Variants in GPC5 observed in about 807,000 individuals in gnomAD.
GPC5 encodes glypican-5.
A neutral mutation model predicts 53.9 loss-of-function variants in GPC5; 47 were observed. That is an observed-to-expected ratio of 0.87 (90% confidence interval 0.69 to 1.11). The LOEUF (loss-of-function observed/expected upper bound fraction) is 1.11, where lower values mean the gene tolerates loss of function less well. Among genes scored for constraint, GPC5 ranks in the 50% most tolerant of loss-of-function variants. The probability of loss-of-function intolerance (pLI) is 0.00; values close to 1 mark genes in which losing one functional copy is unlikely to be tolerated. For synonymous variants in GPC5, 286 were observed against 263.3 expected, an observed-to-expected ratio of 1.09 and a Z score of -0.84; for missense variants, 748 against 713.1, an observed-to-expected ratio of 1.05 and a Z score of -0.56.
At chr13:92,217,139 T>C (rs779011819) in intron 7 of GPC5, among the ~76,000 whole-genome samples, 1 of 152,188 alleles carries the variant, frequency 6.6e-6, no homozygotes, top group Non-Finnish European at 1.5e-5. Context: ...GTATGCTCAT[T>C]TGTTTTTCAG....
intron 7 of GPC5, among the ~76,000 whole-genome samples, chr13:92,722,828 AT>A (rs1213817806): frequency 2.0e-5 from 3 of 151,870 alleles, no homozygotes; most frequent in South Asian, 4.1e-4. Context: ...ATACAAAAAA[AT>A]GATAAAATCA....
At chr13:91,721,479 A>G (rs1053484802) in intron 3 of GPC5, among the ~76,000 whole-genome samples, 2 of 152,142 alleles carry the variant, frequency 1.3e-5, no homozygotes, top group African/African-American at 4.8e-5. Flanking sequence ...TCTCCAAATG[A>G]CAGCCAGTGT....
chr13:91,777,726 T>A (rs1400237449), intron 5 of GPC5, among the ~76,000 whole-genome samples: 1 of 71,580 alleles, frequency 1.4e-5, no homozygotes, highest in Non-Finnish European at 4.1e-5. Context: ...GAAAACTCAA[T>A]TTTTTTTTCA....
At chr13:91,681,564 T>C (rs142788694) in intron 2 of GPC5, among the ~76,000 whole-genome samples, 139 of 152,358 alleles carry the variant, frequency 9.1e-4, no homozygotes, top group Middle Eastern at 3.4e-3. Context: ...TTGTTCTAAC[T>C]AAATAGTAGT....
At chr13:92,317,396 G>A (rs1346782442) in intron 7 of GPC5, among the ~76,000 whole-genome samples, 2 of 152,142 alleles carry the variant, frequency 1.3e-5, no homozygotes, top group African/African-American at 4.8e-5. Flanking sequence ...GGAGTTTCAG[G>A]ATAATAGAAA....
chr13:91,727,080 G>T (rs756935889), intron 3 of GPC5, among the ~76,000 whole-genome samples: 7 of 152,208 alleles, frequency 4.6e-5, no homozygotes, highest in Non-Finnish European at 8.8e-5. Flanking sequence ...GTAATGGGTT[G>T]CTCTTGTCAT....
chr13:92,586,317 A>G (rs1258231839), intron 7 of GPC5, among the ~76,000 whole-genome samples: 1 of 152,246 alleles, frequency 6.6e-6, no homozygotes, highest in East Asian at 1.9e-4. Context: ...ATGTGCAGAT[A>G]TCCAGAGAAA....
intron 7 of GPC5, among the ~76,000 whole-genome samples, chr13:92,779,050 T>A (rs1051479858): frequency 6.6e-6 from 1 of 152,060 alleles, no homozygotes; most frequent in Non-Finnish European, 1.5e-5. Flanking sequence ...TTTCATGGTG[T>A]TGATAAAGAC....
At chr13:92,590,511 C>T (rs931257301) in intron 7 of GPC5, among the ~76,000 whole-genome samples, 1 of 152,196 alleles carries the variant, frequency 6.6e-6, no homozygotes. Context: ...TGTTTCTTCC[C>T]ACTGCTTTTC....
At chr13:92,607,628 C>T (rs1236797556) in intron 7 of GPC5, among the ~76,000 whole-genome samples, 1 of 151,990 alleles carries the variant, frequency 6.6e-6, no homozygotes, top group Admixed American at 6.6e-5. Context: ...TATTTAAATT[C>T]ATTAAAGTTT....
At chr13:91,925,719 G>T (rs756126814) in intron 6 of GPC5, among the ~76,000 whole-genome samples, 1 of 152,028 alleles carries the variant, frequency 6.6e-6, no homozygotes, top group Non-Finnish European at 1.5e-5. Context: ...GACCATACTC[G>T]CTTGCAAAAA....
intron 2 of GPC5, among the ~76,000 whole-genome samples, chr13:91,618,265 T>A (rs990648910): frequency 5.3e-4 from 80 of 152,128 alleles, no homozygotes; most frequent in African/African-American, 1.8e-3. Context: ...TTCTTGGACA[T>A]TAATTTCTAA....
At chr13:91,905,818 T>C (rs1457805473) in intron 5 of GPC5, among the ~76,000 whole-genome samples, 1 of 152,136 alleles carries the variant, frequency 6.6e-6, no homozygotes, top group Non-Finnish European at 1.5e-5. Flanking sequence ...ATATTTTTGC[T>C]GAAAAGTATT....
At chr13:91,586,631 G>A (rs1435690897) in intron 2 of GPC5, among the ~76,000 whole-genome samples, 2 of 138,590 alleles carry the variant, frequency 1.4e-5, no homozygotes. Flanking sequence ...CAGATCTCAT[G>A]AGAACTCACT....
intron 6 of GPC5, among the ~76,000 whole-genome samples, chr13:92,036,827 C>G (rs192151019): frequency 6.6e-6 from 1 of 152,168 alleles, no homozygotes; most frequent in Non-Finnish European, 1.5e-5. Context: ...TACTTGTCTT[C>G]ATTAGTTAAC....
At chr13:92,694,899 G>A (rs1008180548) in intron 7 of GPC5, among the ~76,000 whole-genome samples, 1 of 152,194 alleles carries the variant, frequency 6.6e-6, no homozygotes, top group African/African-American at 2.4e-5. Context: ...CGTGTTGAGG[G>A]AGAGACTAGG....
At chr13:91,758,841 A>G (rs1156934316) in intron 5 of GPC5, among the ~76,000 whole-genome samples, 1 of 152,102 alleles carries the variant, frequency 6.6e-6, no homozygotes, top group Non-Finnish European at 1.5e-5. Context: ...GTCTTTAACT[A>G]TCTTCAAACA....
At chr13:91,662,250 T>C (rs1033164863) in intron 2 of GPC5, among the ~76,000 whole-genome samples, 6 of 151,978 alleles carry the variant, frequency 3.9e-5, no homozygotes, top group African/African-American at 9.7e-5. Context: ...GTAGAGTATA[T>C]TGGAAATCAA....
intron 7 of GPC5, among the ~76,000 whole-genome samples, chr13:92,263,546 T>G (rs192640842): frequency 5.4e-4 from 82 of 152,336 alleles, no homozygotes; most frequent in Non-Finnish European, 1.2e-4. Context: ...ACATTTCTTC[T>G]TGTCCTGTCT....
Sources: allele counts gnomAD v4.1 joint callset (sites outside exome capture counted in the v4.1 genomes callset), GRCh38; gene constraint gnomAD v4.1.1; transcripts MANE v1.5; gene names NCBI Gene and HGNC (gene_info 2026-07-23, HGNC 2026-07-21).